The following PCM1 variants were observed in gnomAD, a reference collection of about 807,000 sequenced individuals.
PCM1 encodes pericentriolar material 1 protein.
In PCM1, 157 loss-of-function variants were observed where a neutral mutation model predicts 241.9. That is an observed-to-expected ratio of 0.65 (90% confidence interval 0.57 to 0.74). PCM1 has a LOEUF of 0.74. Ranked by LOEUF, PCM1 falls within the 30% of genes least tolerant of loss-of-function variation. PCM1 has a pLI of 0.00. For missense variants in PCM1, 3,478 were observed against 2,360.1 expected, an observed-to-expected ratio of 1.47 and a Z score of -9.81; for synonymous variants, 1,085 against 784.9, an observed-to-expected ratio of 1.38 and a Z score of -6.39.
chr8:17,948,901 G>C (rs1319423226), intron 7 of PCM1, among the ~76,000 whole-genome samples: 1 of 152,116 alleles, frequency 6.6e-6, no homozygotes. Flanking sequence ...TTGATCATCA[G>C]AGATTTCTAG....
chr8:17,924,981 C>T (rs767054340), intron 2 of PCM1: 1 of 152,204 alleles, frequency 6.6e-6, no homozygotes, highest in African/African-American at 2.4e-5. Flanking sequence ...CGGAAAGGCC[C>T]TGTCATTCCT....
rs492133 is a variant in PCM1 at position 18,006,030 on chromosome 8, T to C, written c.4828-233T>C. On this transcript the variant is annotated intron_variant, in intron 29 of 38. Transcript: ENST00000325083. Reference sequence around the variant, plus strand: ...GAAAAGTACTGGATCAGCCAGTTCTTTTACTGGCCATCATCTGCTTTCGTG... The same window carrying C: ...GAAAAGTACTGGATCAGCCAGTTCTCTTACTGGCCATCATCTGCTTTCGTG... 7 of 412,020 alleles carry C rather than the reference T, an allele frequency of 1.7e-5. No homozygotes were observed. In the East Asian group the frequency reaches 2.6e-4, roughly 16 times the overall value. 25.5% of individuals were successfully genotyped at this position (412,020 alleles called of 1,614,324 possible). A position where few individuals can be genotyped will look rare whatever the true frequency, so the allele number is the denominator to read the frequency against.
chr8:17,951,642 T>A (rs536720443), intron 8 of PCM1, among the ~76,000 whole-genome samples: 1 of 152,252 alleles, frequency 6.6e-6, no homozygotes, highest in East Asian at 1.9e-4. Context: ...TACCTTATTT[T>A]AAAAAAAGTC....
intron 36 of PCM1, among the ~76,000 whole-genome samples, chr8:18,015,319 C>T (rs1369582849): frequency 6.6e-6 from 1 of 151,012 alleles, no homozygotes. Context: ...CAAGTGAAGC[C>T]CAGGTCTGAA....
chr8:17,939,636 GT>G, intron 5 of PCM1, 54 bp from the exon 6 acceptor site: 2 of 1,015,534 alleles, frequency 2.0e-6, no homozygotes. Flanking sequence ...ATTATCCTTA[GT>G]TTTATATATT....
intron 36 of PCM1, among the ~76,000 whole-genome samples, chr8:18,016,288 G>GATAC (rs1287232995): frequency 6.6e-6 from 1 of 152,026 alleles, no homozygotes. Flanking sequence ...GGTTTAGAAA[G>GATAC]ATAGGGTATT....
chr8:17,991,125 C>T (rs937741474), intron 27 of PCM1, among the ~76,000 whole-genome samples: 2 of 151,638 alleles, frequency 1.3e-5, no homozygotes, highest in African/African-American at 4.9e-5. Flanking sequence ...CATTGATAGG[C>T]CTTTTTCTTA....
intron 29 of PCM1, among the ~76,000 whole-genome samples, chr8:17,993,862 C>G (rs1308950221): frequency 6.6e-6 from 1 of 151,976 alleles, no homozygotes; most frequent in Non-Finnish European, 1.5e-5. Context: ...TATTTTTCTG[C>G]TGCATTTTTT....
chr8:17,926,503 T>C (rs534067067), intron 2 of PCM1: 1 of 152,056 alleles, frequency 6.6e-6, no homozygotes, highest in South Asian at 2.1e-4. Flanking sequence ...AAAGTATCTA[T>C]GTGTATGTAG....
In PCM1 at chr8:17,950,661, T is replaced by C. The variant is rs764582413; in HGVS notation, c.1008T>C (p.Ser336=). ...AGSLSGVSIT[S]ELNEELNDLI... Reference sequence around the variant, plus strand: ...GCTTATCTGGCGTCAGTATCACATCTGAACTAAATGAAGAATTGAATGACT... The same window carrying C: ...GCTTATCTGGCGTCAGTATCACATCCGAACTAAATGAAGAATTGAATGACT... The change falls in exon 8 of 39, where the codon TCT becomes TCC. Residue 336 remains serine (S), a synonymous_variant. Transcript: ENST00000325083. The C allele has an allele frequency of 5.0e-6, 8 of 1,606,174 alleles. No homozygotes were observed. The South Asian group carries it at 7.8e-5, about 16-fold the overall frequency.
Position 18,009,664 on chromosome 8 carries a change from GATA to G in PCM1, c.5087_5089del (p.Asn1696del), listed in dbSNP as rs1212708971. 7 of 1,579,398 alleles carry G rather than the reference GATA, an allele frequency of 4.4e-6. No homozygotes were observed. Among genetic ancestry groups the G allele is most frequent in the East Asian group, 4.5e-5 (2 of 44,162 alleles). ...TTTCTTTAAGCTTATGCAAGATTTG[GATA>G]ATAATAGTATAACTGTTAAACAGAG... On this transcript the variant is annotated inframe_deletion, in exon 31 of 39. Coordinates refer to ENST00000325083, the MANE Select transcript of PCM1 (RefSeq NM_006197.4).
At chr8:17,962,960 C>T (rs935891085) in intron 16 of PCM1, 141 bp from the exon 17 acceptor site, 5 of 590,890 alleles carry the variant, frequency 8.5e-6, no homozygotes, top group Non-Finnish European at 1.4e-5. Context: ...ATTATTTTAA[C>T]CTTCATGGAC....
intron 1 of PCM1, among the ~76,000 whole-genome samples, chr8:17,923,858 G>T (rs1325279111): frequency 1.3e-5 from 2 of 152,116 alleles, no homozygotes; most frequent in African/African-American, 4.8e-5. Flanking sequence ...AAGACTAAAT[G>T]CCAAGTGGGA....
At chr8:18,001,710 C>G (rs2089484050) in intron 29 of PCM1, among the ~76,000 whole-genome samples, 1 of 152,158 alleles carries the variant, frequency 6.6e-6, no homozygotes, top group Non-Finnish European at 1.5e-5. Context: ...TCATACTTTT[C>G]TTTGTAAGAC....
chr8:18,019,145 A>T (rs1467476587), intron 36 of PCM1, among the ~76,000 whole-genome samples: 3 of 152,002 alleles, frequency 2.0e-5, no homozygotes, highest in South Asian at 2.1e-4. Flanking sequence ...ATATACTTGG[A>T]CTGTAGTGCC....
rs2071141976 is a variant in PCM1, at chr8:17,960,412, C to G, written c.2290C>G (p.Gln764Glu). The G allele has an allele frequency of 1.2e-6, 2 of 1,603,992 alleles. No individual in the cohort carries two copies. Among genetic ancestry groups the G allele is most frequent in the Non-Finnish European group, 8.5e-7 (1 of 1,176,408 alleles). The change falls in exon 15 of 39, where the codon CAA becomes GAA. Residue 764 changes from glutamine (Q) to glutamate (E), a missense_variant. Physicochemically the swap from Gln to Glu is conservative, Grantham distance 29. Transcript: ENST00000325083. ...ACTGATTGACATTCAGGAGAAAATT[C>G]AAGCATTGCAAACGGCATGCCCTGA... The part of the protein sequence containing the change: ...KKLIDIQEKI[Q>E]ALQTACPDLQ...
intron 2 of PCM1, chr8:17,928,096 G>A (rs2057709302): frequency 6.6e-6 from 1 of 152,142 alleles, no homozygotes; most frequent in African/African-American, 2.4e-5. Flanking sequence ...CCGTAGTACT[G>A]TCATCAATCA....
At chr8:17,946,713 C>G (rs1409877137) in intron 6 of PCM1, among the ~76,000 whole-genome samples, 1 of 152,104 alleles carries the variant, frequency 6.6e-6, no homozygotes, top group Non-Finnish European at 1.5e-5. Context: ...TCAGGCTGGT[C>G]TCAAACTCCT....
intron 28 of PCM1, 55 bp downstream of exon 28, chr8:17,991,755 TG>T (rs1031921127): frequency 2.3e-6 from 3 of 1,315,226 alleles, no homozygotes; most frequent in Non-Finnish European, 3.2e-6. Flanking sequence ...TTTGGTTACA[TG>T]AATAAGTTCT....
Sources: gnomAD v4.1 joint callset for allele counts (sites outside exome capture counted in the v4.1 genomes callset) on GRCh38, gnomAD v4.1.1 for gene constraint, MANE v1.5 for transcripts, NCBI Gene and HGNC (gene_info 2026-07-23, HGNC 2026-07-21) for gene names.